The following CHMP2A variants were observed in gnomAD, a reference collection of about 807,000 sequenced individuals.
CHMP2A encodes VPS2 homolog A.
A neutral mutation model predicts 21.8 loss-of-function variants in CHMP2A; 6 were observed. The observed-to-expected ratio is 0.28, with a 90% CI of 0.15 to 0.54. CHMP2A has a LOEUF of 0.54. CHMP2A is among the 20% of genes least tolerant of loss of function. The probability of loss-of-function intolerance (pLI) is 0.95; values close to 1 mark genes in which losing one functional copy is unlikely to be tolerated. For missense variants in CHMP2A, 303 were observed against 293.9 expected (o/e 1.03, Z -0.23); for synonymous variants, 125 against 107.0 (o/e 1.17, Z -1.04).
intron 1 of CHMP2A, 54 bp from the exon 2 acceptor site, chr19:58,554,290 A>G (rs2053867151): frequency 6.6e-7 from 1 of 1,517,126 alleles, no homozygotes; most frequent in East Asian, 2.3e-5. Context: ...CAGGAGGGCA[A>G]GAAGCAGAAC....
chr19:58,554,004 G>T (rs759695929), intron 2 of CHMP2A, 41 bp downstream of exon 2: 4 of 1,609,498 alleles, frequency 2.5e-6, no homozygotes, highest in Admixed American at 3.3e-5. Flanking sequence ...TGTTAGAGCC[G>T]TGCCTGATTG....
At chr19:58,554,291 G>T in intron 1 of CHMP2A, 55 bp from the exon 2 acceptor site, 1 of 1,508,582 alleles carries the variant, frequency 6.6e-7, no homozygotes, top group South Asian at 1.3e-5. Context: ...AGGAGGGCAA[G>T]AAGCAGAACA....
intron 2 of CHMP2A, 85 bp from the exon 3 acceptor site, chr19:58,552,523 C>A: frequency 7.3e-7 from 1 of 1,361,308 alleles, no homozygotes; most frequent in Non-Finnish European, 1.0e-6. Flanking sequence ...TGTCCCTCCC[C>A]ACCAGCCCAA....
chr19:58,552,548 T>C, intron 2 of CHMP2A, 110 bp from the exon 3 acceptor site: 2 of 1,098,664 alleles, frequency 1.8e-6, no homozygotes, highest in South Asian at 3.0e-5. Flanking sequence ...CAATTCCACT[T>C]GAAGTTTCCA....
chr19:58,552,379 A>G lies in CHMP2A; in HGVS notation c.228T>C (p.Phe76=). The change falls in exon 3 of 6, where the codon TTT becomes TTC. Residue 76 remains phenylalanine, a synonymous_variant. Coordinates refer to ENST00000312547, the MANE Select transcript of CHMP2A (RefSeq NM_014453.4). Reference sequence around the variant, plus strand: ...CCTGGATGTTGGCCCGCATCAATACAAACTTGCGCACATAGCGCCGGGTGC... The same window carrying G: ...CCTGGATGTTGGCCCGCATCAATACGAACTTGCGCACATAGCGCCGGGTGC... ...LVRTRRYVRK[F]VLMRANIQAV... The G allele has an allele frequency of 6.2e-7, 1 of 1,614,206 alleles. No individual in the cohort carries two copies. Among genetic ancestry groups the G allele is most frequent in the Non-Finnish European group, 8.5e-7 (1 of 1,180,040 alleles).
At chr19:58,553,371 GTTT>G (rs373068837) in intron 2 of CHMP2A, among the ~76,000 whole-genome samples, 2 of 119,996 alleles carry the variant, frequency 1.7e-5, no homozygotes, top group Non-Finnish European at 3.3e-5. Flanking sequence ...TAGTTAACTG[GTTT>G]TTTTTTTTTT....
At chr19:58,554,371 G>C in intron 1 of CHMP2A, 135 bp from the exon 2 acceptor site, 1 of 731,494 alleles carries the variant, frequency 1.4e-6, no homozygotes. Context: ...GAGCCAAAAG[G>C]GAGCAGCTGA....
At chr19:58,553,030 C>T (rs1029026689) in intron 2 of CHMP2A, among the ~76,000 whole-genome samples, 1 of 151,910 alleles carries the variant, frequency 6.6e-6, no homozygotes, top group African/African-American at 2.4e-5. Flanking sequence ...TCTTACCAGC[C>T]TCTTGGCCAT....
chr19:58,552,760 C>A (rs772140326), intron 2 of CHMP2A, among the ~76,000 whole-genome samples: 12 of 152,238 alleles, frequency 7.9e-5, no homozygotes, highest in Non-Finnish European at 1.6e-4. Context: ...TTTTGACTTA[C>A]AACAGCCATT....
At chr19:58,552,501 C>G in intron 2 of CHMP2A, 63 bp from the exon 3 acceptor site, 1 of 1,518,736 alleles carries the variant, frequency 6.6e-7, no homozygotes, top group Non-Finnish European at 8.9e-7. Flanking sequence ...TCTTGACACC[C>G]CATTAGTTGG....
In CHMP2A at chr19:58,554,207, G is replaced by C; in HGVS notation, c.6C>G (p.Asp2Glu). Residue 2 changes from aspartate to glutamate, a missense_variant, in exon 2 of 6, where the codon GAC becomes GAG. Physicochemically the swap from Asp to Glu is conservative, Grantham distance 45. Coordinates refer to ENST00000312547, the MANE Select transcript of CHMP2A (RefSeq NM_014453.4). Reference protein sequence around the residue: MDLLFGRRKTPE... With the variant: MELLFGRRKTPE... ...GCGTCTTCCGGCGCCCGAACAATAG[G>C]TCCATGATGGTAGAAGCTCACTGGC... 6.2e-7 allele frequency: 1 copy of C among 1,610,626 alleles called. No homozygotes were observed.
chr19:58,554,273 T>C, intron 1 of CHMP2A, 37 bp from the exon 2 acceptor site: 2 of 1,560,216 alleles, frequency 1.3e-6, no homozygotes, highest in South Asian at 2.3e-5. Flanking sequence ...TTGTAGGGCA[T>C]GGGGCCCAGG....
chr19:58,553,154 C>A (rs1186165841), intron 2 of CHMP2A, among the ~76,000 whole-genome samples: 1 of 151,280 alleles, frequency 6.6e-6, no homozygotes, highest in Non-Finnish European at 1.5e-5. Context: ...GCCTCCCGGC[C>A]TCAAGCGATT....
intron 1 of CHMP2A, 139 bp from the exon 2 acceptor site, chr19:58,554,375 C>A: frequency 2.9e-6 from 2 of 685,108 alleles, no homozygotes; most frequent in Non-Finnish European, 2.4e-6. Flanking sequence ...CAAAAGGGAG[C>A]AGCTGAGAAC....
Position 58,554,038 on chromosome 19 carries a change from C to T in CHMP2A, c.168+7G>A, listed in dbSNP as rs2053863267. The T allele has an allele frequency of 6.2e-7, 1 of 1,613,452 alleles. No homozygotes were observed. Among genetic ancestry groups the T allele is most frequent in the Non-Finnish European group, 8.5e-7 (1 of 1,180,016 alleles). On this transcript the variant is annotated splice_region_variant and intron_variant, in intron 2 of 5. Coordinates refer to ENST00000312547, the MANE Select transcript of CHMP2A (RefSeq NM_014453.4). ...TGACAGCAACCTGCCCGACCACCCA[C>T]ACTCACCATCTGGCCTTGCTTGGCC...
In CHMP2A at chr19:58,552,101, C is replaced by A. The variant is rs777054240; in HGVS notation, c.433G>T (p.Asp145Tyr). 1 of 1,614,202 alleles carries A rather than the reference C, an allele frequency of 6.2e-7. No homozygotes were observed. The highest frequency in any genetic ancestry group is 8.5e-7 in the Non-Finnish European group (1 of 1,180,028). ...TCACCCATGGCATCATCAATGGCAT[C>A]ATTCATCATCTCCTCCTTCATATCC... The part of the protein sequence containing the change: ...IMDMKEEMMN[D>Y]AIDDAMGDEE... Residue 145 changes from aspartate (D) to tyrosine (Y), a missense_variant, in exon 4 of 6, where the codon GAT (aspartate) becomes TAT (tyrosine). By Grantham distance (160) the Asp-to-Tyr change is radical. Transcript: ENST00000312547.
Position 58,551,934 on chromosome 19 carries a change from C to T in CHMP2A, c.513G>A (p.Leu171=), listed in dbSNP as rs142020304. The part of the protein sequence containing the change: ...DAVVSQVLDE[L]GLSLTDELSN... ...ACAGCTCATCTGTTAGGCTAAGTCC[C>T]AGCTCATCCAGAACCTGGGACACCA... The change falls in exon 5 of 6, where the codon CTG becomes CTA. Residue 171 remains leucine (L), a synonymous_variant. Coordinates refer to ENST00000312547, the MANE Select transcript of CHMP2A (RefSeq NM_014453.4). 1 of 1,614,144 alleles carries T rather than the reference C, an allele frequency of 6.2e-7. No homozygotes were observed. Among genetic ancestry groups the T allele is most frequent in the African/African-American group, 1.3e-5 (1 of 75,028 alleles).
At chr19:58,553,933 T>C in intron 2 of CHMP2A, 112 bp downstream of exon 2, 1 of 1,405,958 alleles carries the variant, frequency 7.1e-7, no homozygotes, top group Admixed American at 1.7e-5. Context: ...TGCTGACCTT[T>C]CACTCCACTC....
chr19:58,554,001 G>A (rs1477716107), intron 2 of CHMP2A, 44 bp downstream of exon 2: 1 of 1,608,036 alleles, frequency 6.2e-7, no homozygotes, highest in South Asian at 1.1e-5. Context: ...TGCTGTTAGA[G>A]CCGTGCCTGA....
Sources: allele counts gnomAD v4.1 joint callset (sites outside exome capture counted in the v4.1 genomes callset), GRCh38; gene constraint gnomAD v4.1.1; transcripts MANE v1.5; gene names NCBI Gene and HGNC (gene_info 2026-07-23, HGNC 2026-07-21).